The following RUNX1T1 variants were observed in gnomAD, a reference collection of about 807,000 sequenced individuals.
RUNX1T1 encodes the protein RUNX1 partner transcriptional co-repressor 1.
In RUNX1T1, 4 loss-of-function variants were observed where a neutral mutation model predicts 62.8. The ratio of observed to expected loss-of-function variants is 0.06; its 90% CI spans 0.03 to 0.15. The LOEUF (loss-of-function observed/expected upper bound fraction) is 0.15. RUNX1T1 is among the 10% of genes least tolerant of loss of function. RUNX1T1 has a pLI of 1.00. For missense variants in RUNX1T1, 508 were observed against 754.3 expected, an observed-to-expected ratio of 0.67 and a Z score of 3.82; for synonymous variants, 291 against 286.0, an observed-to-expected ratio of 1.02 and a Z score of -0.18.
chr8:92,022,260 AACAC>A (rs1824262641), intron 1 of RUNX1T1, among the ~76,000 whole-genome samples: 1 of 152,122 alleles, frequency 6.6e-6, no homozygotes, highest in Admixed American at 6.6e-5. Context: ...GTAAAAGACA[AACAC>A]ACACCATCAA....
At chr8:92,054,739 T>G (rs1830761951) in intron 1 of RUNX1T1, among the ~76,000 whole-genome samples, 1 of 152,180 alleles carries the variant, frequency 6.6e-6, no homozygotes, top group Non-Finnish European at 1.5e-5. Flanking sequence ...CGGCGGCTCA[T>G]GCCTATAATC....
rs973519936 is a variant in RUNX1T1, at chr8:92,097,209, T to G, written c.-86+2371A>C. ...TGAGACGAGAACAAGGTAATATTTC[T>G]CCATAAATCTTCAAAAAGTGACCAG... On this transcript the variant is annotated intron_variant, in intron 1 of 11. Coordinates refer to the RUNX1T1 transcript ENST00000265814. 2.0e-5 allele frequency among the ~76,000 whole-genome samples: 3 copies of G among 152,194 alleles called. No individual in the cohort carries two copies. In the South Asian group the frequency reaches 6.2e-4, roughly 32 times the overall value.
chr8:92,064,510 C>T (rs952591079), upstream of RUNX1T1, among the ~76,000 whole-genome samples: 1 of 152,176 alleles, frequency 6.6e-6, no homozygotes, highest in South Asian at 2.1e-4. Flanking sequence ...GTGTGATAAT[C>T]AATTAAGTCC....
chr8:92,045,503 C>A (rs1219661658), intron 1 of RUNX1T1, among the ~76,000 whole-genome samples: 1 of 152,212 alleles, frequency 6.6e-6, no homozygotes, highest in Admixed American at 6.5e-5. Context: ...CAAGACCACT[C>A]TGCCAATTAC....
At chr8:92,028,470 G>A (rs745687096) in intron 1 of RUNX1T1, among the ~76,000 whole-genome samples, 4 of 152,040 alleles carry the variant, frequency 2.6e-5, no homozygotes, top group Non-Finnish European at 4.4e-5. Context: ...ACCACTTCTT[G>A]GAGGTACCTA....
At chr8:91,957,044 A>T (rs940339166), downstream of RUNX1T1, 1 of 216,544 alleles carries the variant, frequency 4.6e-6, no homozygotes, top group Non-Finnish European at 9.3e-6. Flanking sequence ...AGAGAAAAAG[A>T]GAAAGAGAAA....
exon 9 of RUNX1T1, chr8:91,975,946 G>C (rs1427012723): frequency 6.2e-7 from 1 of 1,613,566 alleles, no homozygotes; most frequent in East Asian, 2.2e-5. Flanking sequence ...TCCAGACGCA[G>C]GCCTGTGAAG....
chr8:92,005,593 T>C (rs1287215680), intron 4 of RUNX1T1: 1 of 315,254 alleles, frequency 3.2e-6, no homozygotes, highest in Non-Finnish European at 5.8e-6. Flanking sequence ...CTTGAATGTA[T>C]GTTCTACGGT....
At chr8:91,977,784 T>A (rs79453311) in intron 8 of RUNX1T1, among the ~76,000 whole-genome samples, 1,708 of 151,576 alleles carry the variant, frequency 0.011, 22 homozygotes, top group South Asian at 0.029. Context: ...AATAAAAACT[T>A]ATTTTTTTCT....
chr8:91,959,615 T>C (rs1810023818), exon 11 of RUNX1T1: 1 of 222,148 alleles, frequency 4.5e-6, no homozygotes, highest in African/African-American at 2.2e-5. Flanking sequence ...CTGGATATTA[T>C]TATTTCTTTT....
intron 1 of RUNX1T1, among the ~76,000 whole-genome samples, chr8:92,057,889 C>T (rs1211151842): frequency 1.3e-5 from 2 of 152,140 alleles, no homozygotes; most frequent in Non-Finnish European, 2.9e-5. Flanking sequence ...CTGCCACACA[C>T]AGAAATTAAA....
chr8:92,064,359 C>T (rs186323612), upstream of RUNX1T1, among the ~76,000 whole-genome samples: 2 of 152,188 alleles, frequency 1.3e-5, no homozygotes, highest in African/African-American at 2.4e-5. Context: ...TAATAGTATA[C>T]TGCACCCTAT....
At chr8:91,975,156 T>G (rs145135757) in intron 9 of RUNX1T1, among the ~76,000 whole-genome samples, 1 of 152,178 alleles carries the variant, frequency 6.6e-6, no homozygotes, top group Non-Finnish European at 1.5e-5. Flanking sequence ...ATCTCCTGAG[T>G]TGGTTTTCAT....
chr8:92,061,971 A>C (rs1049830780), intron 1 of RUNX1T1, among the ~76,000 whole-genome samples: 13 of 152,236 alleles, frequency 8.5e-5, no homozygotes, highest in Non-Finnish European at 1.8e-4. Flanking sequence ...AATTTCCAGG[A>C]CAAGAGCTTC....
At chr8:91,975,645 T>C (rs1363982104) in intron 9 of RUNX1T1, among the ~76,000 whole-genome samples, 1 of 152,190 alleles carries the variant, frequency 6.6e-6, no homozygotes. Flanking sequence ...AATGGAGTTT[T>C]ATAATGGAAA....
intron 1 of RUNX1T1, chr8:92,095,240 G>C (rs1301573986): frequency 2.0e-6 from 3 of 1,529,216 alleles, no homozygotes; most frequent in Non-Finnish European, 2.6e-6. Context: ...TGAATCATTT[G>C]GAAAGGGAGA....
At chr8:91,999,503 T>C (rs1200407917) in intron 5 of RUNX1T1, among the ~76,000 whole-genome samples, 2 of 152,166 alleles carry the variant, frequency 1.3e-5, no homozygotes, top group Admixed American at 1.3e-4. Flanking sequence ...CATTTTGTTT[T>C]CAAGCAGGGG....
chr8:92,034,443 C>A (rs1462782860), intron 1 of RUNX1T1, among the ~76,000 whole-genome samples: 2 of 152,056 alleles, frequency 1.3e-5, no homozygotes, highest in Non-Finnish European at 2.9e-5. Flanking sequence ...TGGAAGGGCT[C>A]CCAAAGACAA....
At chr8:91,960,345 G>T (rs1422541659) in exon 11 of RUNX1T1, 2 of 1,613,668 alleles carry the variant, frequency 1.2e-6, no homozygotes, top group Non-Finnish European at 1.7e-6. Context: ...GCTGTTGGGC[G>T]TGACAGAGGA....
Sources: gnomAD v4.1 joint callset for allele counts (sites outside exome capture counted in the v4.1 genomes callset) on GRCh38, gnomAD v4.1.1 for gene constraint, MANE v1.5 for transcripts, NCBI Gene and HGNC (gene_info 2026-07-23, HGNC 2026-07-21) for gene names.